MGLL: variants seen among roughly 807,000 people sequenced by gnomAD.
MGLL encodes the protein monoglyceride lipase, also known as lysophospholipase homolog.
MGLL carries 7 observed loss-of-function variants against 29.1 expected under a neutral mutation model. The observed-to-expected ratio is 0.24, with a 90% confidence interval of 0.14 to 0.45. MGLL has a LOEUF of 0.45. Among genes scored for constraint, MGLL ranks in the 20% least tolerant of loss-of-function variants. MGLL has a pLI of 0.99. For synonymous variants in MGLL, 148 were observed against 168.3 expected (o/e 0.88, Z 0.93); for missense variants, 356 against 413.6 (o/e 0.86, Z 1.21).
intron 2 of MGLL, among the ~76,000 whole-genome samples, chr3:127,798,423 C>T (rs146811025): frequency 1.7e-4 from 26 of 152,134 alleles, no homozygotes. Flanking sequence ...CTGCTGGGAC[C>T]CCAGGGCCCT....
intron 2 of MGLL, among the ~76,000 whole-genome samples, chr3:127,784,576 C>G (rs996674136): frequency 3.3e-5 from 5 of 152,160 alleles, no homozygotes; most frequent in African/African-American, 1.2e-4. Context: ...CCACCCTTCT[C>G]TCTGCACAGG....
chr3:127,766,168 A>G (rs990048306), intron 3 of MGLL, among the ~76,000 whole-genome samples: 2 of 151,954 alleles, frequency 1.3e-5, no homozygotes, highest in Admixed American at 6.6e-5. Context: ...TCCCTCTCCC[A>G]TATGTCCCAT....
At chr3:127,788,684 C>G (rs527974958) in intron 2 of MGLL, among the ~76,000 whole-genome samples, 1 of 152,332 alleles carries the variant, frequency 6.6e-6, no homozygotes, top group Non-Finnish European at 1.5e-5. Flanking sequence ...AGTCCTTCCA[C>G]GCTTCCCCAA....
At chr3:127,763,740 TCTC>T (rs1443613509) in intron 3 of MGLL, among the ~76,000 whole-genome samples, 1 of 152,020 alleles carries the variant, frequency 6.6e-6, no homozygotes, top group African/African-American at 2.4e-5. Flanking sequence ...TCCCGCCCCT[TCTC>T]CTCTTCCTAC....
At position 127,822,396 on chromosome 3, in the gene MGLL, T is replaced by C. The variant is rs2077878657; in HGVS notation, c.-78A>G. 5.9e-6 allele frequency: 9 copies of C among 1,522,424 alleles called. No homozygotes were observed. In the South Asian group the frequency reaches 7.9e-5, roughly 13 times the overall value. 94.3% of individuals were successfully genotyped at this position (1,522,424 alleles called of 1,614,324 possible). A position where few individuals can be genotyped will look rare whatever the true frequency, so the allele number is the denominator to read the frequency against. On this transcript the variant is annotated 5_prime_UTR_variant, in exon 1 of 8. Transcript: ENST00000265052. ...AGGCAAATCGGGCTGTTCCCTCATC[T>C]GGGCGGCCCCAAGGCAGCAGGAAGG...
chr3:127,722,727 C>T (rs2075954872), intron 3 of MGLL, among the ~76,000 whole-genome samples, 161 bp from the exon 4 acceptor site: 1 of 152,184 alleles, frequency 6.6e-6, no homozygotes, highest in African/African-American at 2.4e-5. Flanking sequence ...ATTCTTCTCC[C>T]CACTTTTTAT....
intron 2 of MGLL, among the ~76,000 whole-genome samples, chr3:127,816,536 C>T (rs1390190449): frequency 6.6e-6 from 1 of 152,124 alleles, no homozygotes; most frequent in Non-Finnish European, 1.5e-5. Flanking sequence ...GTGCCACACC[C>T]GTGTCTGGCT....
intron 3 of MGLL, among the ~76,000 whole-genome samples, chr3:127,739,316 G>C (rs372487308): frequency 8.5e-5 from 13 of 152,298 alleles, no homozygotes; most frequent in South Asian, 8.3e-4. Context: ...GCTTGTTAGT[G>C]AGTTTAACTG....
intron 5 of MGLL, among the ~76,000 whole-genome samples, chr3:127,720,105 A>G (rs984894048): frequency 6.6e-6 from 1 of 152,166 alleles, no homozygotes; most frequent in African/African-American, 2.4e-5. Flanking sequence ...CGGTGGGGGA[A>G]TAAGAGCTAA....
intron 3 of MGLL, among the ~76,000 whole-genome samples, chr3:127,730,707 C>T (rs1208753317): frequency 6.6e-6 from 1 of 152,216 alleles, no homozygotes; most frequent in African/African-American, 2.4e-5. Flanking sequence ...GAGTTGATCA[C>T]AGTCCTCCCT....
At chr3:127,805,964 G>A (rs538759679) in intron 2 of MGLL, among the ~76,000 whole-genome samples, 1 of 152,352 alleles carries the variant, frequency 6.6e-6, no homozygotes, top group East Asian at 1.9e-4. Context: ...ATGTATTCAA[G>A]GAATACATGC....
intron 3 of MGLL, among the ~76,000 whole-genome samples, chr3:127,728,222 G>A (rs1001559380): frequency 2.0e-5 from 3 of 152,084 alleles, no homozygotes; most frequent in Non-Finnish European, 2.9e-5. Context: ...CTCCCCGCTC[G>A]TTCCCTAGCG....
chr3:127,710,368 T>C (rs1320644980), intron 6 of MGLL, among the ~76,000 whole-genome samples: 2 of 152,202 alleles, frequency 1.3e-5, no homozygotes, highest in Non-Finnish European at 2.9e-5. Flanking sequence ...TCCTTTCATG[T>C]TTAGAACACA....
chr3:127,813,036 T>A (rs1206070511), intron 2 of MGLL, among the ~76,000 whole-genome samples: 1 of 152,202 alleles, frequency 6.6e-6, no homozygotes, highest in African/African-American at 2.4e-5. Context: ...ATTTCCTAAC[T>A]AAAGGTTTTT....
intron 3 of MGLL, among the ~76,000 whole-genome samples, chr3:127,759,878 C>T (rs112829513): frequency 2.6e-5 from 4 of 152,290 alleles, no homozygotes; most frequent in African/African-American, 7.2e-5. Context: ...AATCTGGTGG[C>T]GTCTGTACAA....
intron 2 of MGLL, among the ~76,000 whole-genome samples, chr3:127,793,726 T>A (rs1379290085): frequency 6.6e-6 from 1 of 152,158 alleles, no homozygotes; most frequent in African/African-American, 2.4e-5. Flanking sequence ...CACGCCCAGC[T>A]AATTTTTGTA....
intron 3 of MGLL, among the ~76,000 whole-genome samples, chr3:127,746,047 G>A (rs1488932839): frequency 6.6e-6 from 1 of 152,176 alleles, no homozygotes; most frequent in African/African-American, 2.4e-5. Context: ...GGGAGATGGG[G>A]GCCCAGACAG....
At chr3:127,702,668 T>G (rs2075515946) in intron 6 of MGLL, among the ~76,000 whole-genome samples, 1 of 152,196 alleles carries the variant, frequency 6.6e-6, no homozygotes, top group South Asian at 2.1e-4. Context: ...GTATGAAGGT[T>G]TGAACTCCTG....
intron 3 of MGLL, among the ~76,000 whole-genome samples, chr3:127,737,179 T>C (rs1343623803): frequency 1.3e-5 from 2 of 152,086 alleles, no homozygotes; most frequent in African/African-American, 4.8e-5. Flanking sequence ...ATTTTCATAA[T>C]GACCCTTATC....
Sources: gnomAD v4.1 joint callset for allele counts (sites outside exome capture counted in the v4.1 genomes callset) on GRCh38, gnomAD v4.1.1 for gene constraint, MANE v1.5 for transcripts, NCBI Gene and HGNC (gene_info 2026-07-23, HGNC 2026-07-21) for gene names.